Variants in NRXN3 observed in about 807,000 individuals in gnomAD.
NRXN3 encodes the protein neurexin 3.
Under a neutral mutation model 137.6 loss-of-function variants are expected in NRXN3, and 32 were observed. That is an observed-to-expected ratio of 0.23 (90% CI 0.18 to 0.31). The LOEUF (loss-of-function observed/expected upper bound fraction) is 0.31, where lower values mean the gene tolerates loss of function less well. Ranked by LOEUF, NRXN3 falls within the 10% of genes least tolerant of loss-of-function variation. The probability of loss-of-function intolerance (pLI) is 1.00; values close to 1 mark genes in which losing one functional copy is unlikely to be tolerated. For synonymous variants in NRXN3, 798 were observed against 784.5 expected, an observed-to-expected ratio of 1.02 and a Z score of -0.29; for missense variants, 1,574 against 2,062.5, an observed-to-expected ratio of 0.76 and a Z score of 4.59.
chr14:79,133,014 C>T (rs1160135117), intron 15 of NRXN3, among the ~76,000 whole-genome samples: 1 of 152,212 alleles, frequency 6.6e-6, no homozygotes, highest in Non-Finnish European at 1.5e-5. Flanking sequence ...TGCTCTGTGT[C>T]TGAGGCCAAC....
intron 4 of NRXN3, among the ~76,000 whole-genome samples, chr14:78,343,979 T>TA (rs1215113898): frequency 6.6e-6 from 1 of 152,166 alleles, no homozygotes; most frequent in Non-Finnish European, 1.5e-5. Flanking sequence ...TGAGGAACCC[T>TA]AAAAAAATAC....
chr14:78,801,097 G>A (rs563508883), intron 8 of NRXN3, among the ~76,000 whole-genome samples: 100 of 152,254 alleles, frequency 6.6e-4, no homozygotes, highest in African/African-American at 2.3e-3. Context: ...CAAGGAGGGC[G>A]GATCAAGAGG....
At chr14:78,273,911 G>A (rs2073177787) in intron 2 of NRXN3, among the ~76,000 whole-genome samples, 1 of 152,154 alleles carries the variant, frequency 6.6e-6, no homozygotes, top group Non-Finnish European at 1.5e-5. Flanking sequence ...CTAGAAAATA[G>A]GTCAGACTCA....
At position 79,861,274 on chromosome 14, in the gene NRXN3, A is replaced by C. The variant is rs527830772; in HGVS notation, c.4094-68A>C. ...TGATATCTGGGTATGGCTCAGGGGAAACCTTTGACTCTAACCTGCCCCCTA... is the reference window on the plus strand; with the variant it reads ...TGATATCTGGGTATGGCTCAGGGGACACCTTTGACTCTAACCTGCCCCCTA... On this transcript the variant is annotated intron_variant, in intron 20 of 20. Coordinates refer to ENST00000335750, the MANE Select transcript of NRXN3 (RefSeq NM_001330195.2). The surrounding 1 kb of genome is among the most constrained non-coding windows in gnomAD (Gnocchi z 5.4). 1 of 1,536,084 alleles carries C rather than the reference A, an allele frequency of 6.5e-7. No homozygotes were observed. The highest frequency in any genetic ancestry group is 1.2e-5 in the South Asian group (1 of 84,046).
At chr14:79,658,612 C>CCTAT (rs1240325108) in intron 16 of NRXN3, among the ~76,000 whole-genome samples, 4 of 152,146 alleles carry the variant, frequency 2.6e-5, no homozygotes, top group African/African-American at 4.8e-5. Flanking sequence ...TTACTACAAC[C>CCTAT]CTATAATGGA....
intron 19 of NRXN3, among the ~76,000 whole-genome samples, chr14:79,733,178 T>TA (rs1287590338): frequency 6.6e-6 from 1 of 152,186 alleles, no homozygotes; most frequent in Non-Finnish European, 1.5e-5. Flanking sequence ...TCCATATTCA[T>TA]AAAAGCTCTG....
chr14:78,882,192 A>G (rs931699948), intron 10 of NRXN3, among the ~76,000 whole-genome samples: 1 of 151,880 alleles, frequency 6.6e-6, no homozygotes, highest in African/African-American at 2.4e-5. Context: ...CTGCAGGGGC[A>G]GAGCCCTCAT....
intron 16 of NRXN3, among the ~76,000 whole-genome samples, chr14:79,554,497 T>A (rs1399952652): frequency 6.6e-6 from 1 of 152,156 alleles, no homozygotes; most frequent in African/African-American, 2.4e-5. Context: ...TCCACACTTA[T>A]TTGTTTACTT....
chr14:79,328,747 A>G (rs2091266192), intron 15 of NRXN3, among the ~76,000 whole-genome samples: 1 of 152,214 alleles, frequency 6.6e-6, no homozygotes, highest in Admixed American at 6.5e-5. Context: ...TGACATAGGA[A>G]ACATTTCTTA....
At chr14:78,778,296 T>A (rs2098751381) in intron 8 of NRXN3, among the ~76,000 whole-genome samples, 1 of 152,104 alleles carries the variant, frequency 6.6e-6, no homozygotes, top group Admixed American at 6.6e-5. Context: ...ACACATGGAG[T>A]TTACTTTAAA....
chr14:78,683,403 A>G (rs374430969), intron 6 of NRXN3, among the ~76,000 whole-genome samples: 1 of 152,172 alleles, frequency 6.6e-6, no homozygotes, highest in African/African-American at 2.4e-5. Context: ...AGTTTGAGGC[A>G]GTTTGTCTAA....
chr14:79,006,691 A>G (rs2099553796), intron 15 of NRXN3, among the ~76,000 whole-genome samples: 1 of 152,192 alleles, frequency 6.6e-6, no homozygotes, highest in Admixed American at 6.5e-5. Flanking sequence ...AAATGTGACC[A>G]TTAAAAATGG....
chr14:79,599,369 A>G (rs934962100), intron 16 of NRXN3, among the ~76,000 whole-genome samples: 2 of 152,134 alleles, frequency 1.3e-5, no homozygotes, highest in Admixed American at 6.5e-5. Context: ...TTTCTCTTGT[A>G]AGGAAAAAAA....
intron 15 of NRXN3, among the ~76,000 whole-genome samples, chr14:79,174,140 G>A (rs535999016): frequency 6.6e-6 from 1 of 152,236 alleles, no homozygotes; most frequent in African/African-American, 2.4e-5. Context: ...CCAGAAAGGT[G>A]GCTAGCAGTG....
intron 8 of NRXN3, chr14:78,744,491 G>A (rs922203455): frequency 6.6e-6 from 1 of 152,170 alleles, no homozygotes; most frequent in Non-Finnish European, 1.5e-5. Context: ...GAGAATTTCA[G>A]TTGCCCACGA....
At chr14:79,253,217 G>A (rs2076158948) in intron 15 of NRXN3, among the ~76,000 whole-genome samples, 1 of 152,166 alleles carries the variant, frequency 6.6e-6, no homozygotes, top group South Asian at 2.1e-4. Flanking sequence ...TGTCTTTACT[G>A]TTCTTCTGTG....
chr14:79,468,234 T>C (rs1425071677), intron 16 of NRXN3, among the ~76,000 whole-genome samples: 1 of 152,204 alleles, frequency 6.6e-6, no homozygotes, highest in Non-Finnish European at 1.5e-5. Flanking sequence ...AAGAAAAAAT[T>C]CTTTTGTTAT....
chr14:78,968,255 C>A lies in NRXN3; in HGVS notation c.3051C>A (p.Gly1017=). ...TGGCCTCTCGAGATGGCTTTCAGGG[C>A]TGTCTAGCATCAGTGGACTTGAATG... The part of the protein sequence containing the change: ...KLVASRDGFQ[G]CLASVDLNGR... The change falls in exon 14 of 21, where the codon GGC becomes GGA. Residue 1017 remains glycine (G), a synonymous_variant. Transcript: ENST00000335750. 6.2e-7 allele frequency: 1 copy of A among 1,614,102 alleles called. No homozygotes were observed. Among genetic ancestry groups the A allele is most frequent in the East Asian group, 2.2e-5 (1 of 44,876 alleles).
intron 20 of NRXN3, among the ~76,000 whole-genome samples, chr14:79,842,783 G>A (rs920766126): frequency 6.6e-6 from 1 of 152,024 alleles, no homozygotes; most frequent in Admixed American, 6.6e-5. Flanking sequence ...CAAAAATCAT[G>A]AATACAATAC....
Sources: gnomAD v4.1 joint callset for allele counts (sites outside exome capture counted in the v4.1 genomes callset) on GRCh38, gnomAD v4.1.1 for gene constraint, Gnocchi (gnomAD v3.1) non-coding constraint, MANE v1.5 for transcripts, NCBI Gene and HGNC (gene_info 2026-07-23, HGNC 2026-07-21) for gene names.